The following CEACAM5 variants were observed in gnomAD, a reference collection of about 807,000 sequenced individuals.
The protein encoded by CEACAM5 is cell adhesion molecule CEACAM5.
CEACAM5 carries 52 observed loss-of-function variants against 63.0 expected under a neutral mutation model. That is an observed-to-expected ratio of 0.83 (90% CI 0.66 to 1.04). CEACAM5 has a LOEUF of 1.04. CEACAM5 is among the 50% of genes least tolerant of loss of function. CEACAM5 has a pLI of 0.00. For synonymous variants in CEACAM5, 357 were observed against 351.3 expected (o/e 1.02, Z -0.18); for missense variants, 790 against 864.8 (o/e 0.91, Z 1.08).
Position 41,730,180 on chromosome 19 carries a change from ATC to A in CEACAM5, c.*1034_*1035del, listed in dbSNP as rs1555817966. On this transcript the variant is annotated 3_prime_UTR_variant, in exon 10 of 10. Transcript: ENST00000221992. ...TCACGCCTGTAATCCCAGCACTTTG[ATC>A]CGCCGAGGCGGGCGGATCACGAGGT... Among the ~76,000 whole-genome samples, 3 of 152,018 alleles carry A rather than the reference ATC, an allele frequency of 2.0e-5. No homozygotes were observed. Among genetic ancestry groups the A allele is most frequent in the East Asian group, 3.9e-4 (2 of 5,190 alleles).
chr19:41,726,911 A>G (rs144590320), intron 8 of CEACAM5, among the ~76,000 whole-genome samples: 127 of 152,334 alleles, frequency 8.3e-4, no homozygotes, highest in African/African-American at 3.0e-3. Context: ...GCCTACCACA[A>G]CTGAGACACT....
At chr19:41,717,013 C>G (rs1490198676) in intron 4 of CEACAM5, among the ~76,000 whole-genome samples, 7 of 152,228 alleles carry the variant, frequency 4.6e-5, no homozygotes, top group African/African-American at 1.7e-4. Flanking sequence ...TCCATCATCA[C>G]CTATCTCTAG....
intron 6 of CEACAM5, among the ~76,000 whole-genome samples, chr19:41,719,551 G>A (rs534447874): frequency 1.3e-4 from 20 of 152,132 alleles, no homozygotes; most frequent in South Asian, 2.1e-4. Flanking sequence ...AACACCCCAC[G>A]GTTGGGTGGT....
Position 41,709,842 on chromosome 19 carries a change from A to C in CEACAM5, c.227A>C (p.Asn76Thr), listed in dbSNP as rs782789683. 1.2e-4 allele frequency: 187 copies of C among 1,613,988 alleles called. 1 individual carries two copies. The highest frequency in any genetic ancestry group is 1.6e-4 in the Non-Finnish European group (183 of 1,180,026). Residue 76 changes from asparagine (N) to threonine (T), a missense_variant, in exon 2 of 10, where the codon AAC becomes ACC. Asn to Thr is a moderately conservative substitution (Grantham distance 65). Transcript: ENST00000221992. ...TACAAAGGTGAAAGAGTGGATGGCA[A>C]CCGTCAAATTATAGGATATGTAATA... ...SWYKGERVDG[N>T]RQIIGYVIGT...
In CEACAM5 at chr19:41,715,301, G is replaced by T. The variant is rs571502155; in HGVS notation, c.703+52G>T. 1.9e-6 allele frequency: 3 copies of T among 1,611,282 alleles called. No individual in the cohort carries two copies. In the Admixed American group the frequency reaches 5.0e-5, roughly 27 times the overall value. On this transcript the variant is annotated intron_variant, in intron 3 of 9. Transcript: ENST00000221992. The stretch of plus-strand genomic sequence containing the variant: ...CAGGCTGCCAGCCCAAATCCACAGG[G>T]CCAGAGGCAGGATTTCTCAGTCCCT...
At position 41,727,223 on chromosome 19, in the gene CEACAM5, G is replaced by A. The variant is rs782093478; in HGVS notation, c.2027-11G>A. 11 of 1,604,308 alleles carry A rather than the reference G, an allele frequency of 6.9e-6. No homozygotes were observed. The highest frequency in any genetic ancestry group is 1.3e-5 in the African/African-American group (1 of 74,726). On this transcript the variant is annotated splice_polypyrimidine_tract_variant and intron_variant, in intron 8 of 9. Coordinates refer to ENST00000221992, the MANE Select transcript of CEACAM5 (RefSeq NM_004363.6). Reference sequence around the variant, plus strand: ...ATTCCTTCTCTTTTCTTTCCATGACGGACGATTCAGCATCTGGAACTTCTC... The same window carrying A: ...ATTCCTTCTCTTTTCTTTCCATGACAGACGATTCAGCATCTGGAACTTCTC...
In CEACAM5 at chr19:41,709,771, T is replaced by C. The variant is rs782457186; in HGVS notation, c.156T>C (p.Leu52=). 6.2e-7 allele frequency: 1 copy of C among 1,614,162 alleles called. No individual in the cohort carries two copies. Among genetic ancestry groups the C allele is most frequent in the Non-Finnish European group, 8.5e-7 (1 of 1,180,024 alleles). ...ATGTCGCAGAGGGGAAGGAGGTGCT[T>C]CTACTTGTCCACAATCTGCCCCAGC... The part of the protein sequence containing the change: ...PFNVAEGKEV[L]LLVHNLPQHL... The change falls in exon 2 of 10, where the codon CTT becomes CTC. Residue 52 remains leucine, a synonymous_variant. Transcript: ENST00000221992.
chr19:41,719,801 A>G, intron 6 of CEACAM5, 129 bp from the exon 7 acceptor site: 1 of 1,510,762 alleles, frequency 6.6e-7, no homozygotes, highest in Non-Finnish European at 8.9e-7. Flanking sequence ...CTTGTGATAC[A>G]CACACCTGCC....
At chr19:41,713,883 T>C (rs530179469) in intron 2 of CEACAM5, among the ~76,000 whole-genome samples, 3 of 152,272 alleles carry the variant, frequency 2.0e-5, no homozygotes, top group South Asian at 4.1e-4. Context: ...ATCCACAGCA[T>C]CCTCGCCTGC....
chr19:41,720,508 T>C (rs1487807328), intron 7 of CEACAM5, among the ~76,000 whole-genome samples: 2 of 147,866 alleles, frequency 1.4e-5, no homozygotes, highest in African/African-American at 2.5e-5. Flanking sequence ...GACTTTTTTT[T>C]TTTTTTTTTT....
Position 41,714,998 on chromosome 19 carries a change from G to A in CEACAM5, c.452G>A (p.Ser151Asn), listed in dbSNP as rs143589559. The change falls in exon 3 of 10, where the codon AGC (serine) becomes AAC (asparagine). Residue 151 changes from serine to asparagine, a missense_variant. By Grantham distance (46) the Ser-to-Asn change is conservative. Transcript: ENST00000221992. ...GAGCTGCCCAAGCCCTCCATCTCCA[G>A]CAACAACTCCAAACCCGTGGAGGAC... ...YPELPKPSIS[S>N]NNSKPVEDKD... 9.5e-5 allele frequency: 154 copies of A among 1,614,156 alleles called. No homozygotes were observed. The South Asian group carries it at 1.6e-3, about 17-fold the overall frequency.
At chr19:41,710,491 C>T (rs1403055026) in intron 2 of CEACAM5, among the ~76,000 whole-genome samples, 3 of 152,176 alleles carry the variant, frequency 2.0e-5, no homozygotes, top group Non-Finnish European at 4.4e-5. Context: ...TAACTGGAAG[C>T]AAGGACTTAG....
At chr19:41,717,008 C>A (rs1221724279) in intron 4 of CEACAM5, among the ~76,000 whole-genome samples, 1 of 152,234 alleles carries the variant, frequency 6.6e-6, no homozygotes, top group Non-Finnish European at 1.5e-5. Context: ...CCATCTCCAT[C>A]ATCACCTATC....
chr19:41,712,357 C>G (rs1399349502), intron 2 of CEACAM5, among the ~76,000 whole-genome samples: 1 of 152,266 alleles, frequency 6.6e-6, no homozygotes, highest in Non-Finnish European at 1.5e-5. Context: ...GAACCAGCCA[C>G]TGGCGTCTCA....
intron 8 of CEACAM5, among the ~76,000 whole-genome samples, 190 bp downstream of exon 8, chr19:41,721,366 C>T (rs560876718): frequency 9.4e-4 from 143 of 152,380 alleles, no homozygotes; most frequent in Non-Finnish European, 1.6e-3. Flanking sequence ...TGATATCTCA[C>T]GGCTGACCTC....
At chr19:41,724,531 C>T (rs2072670969) in intron 8 of CEACAM5, among the ~76,000 whole-genome samples, 1 of 152,094 alleles carries the variant, frequency 6.6e-6, no homozygotes, top group South Asian at 2.1e-4. Context: ...GTACAAATTG[C>T]GTTGAACCTG....
intron 4 of CEACAM5, among the ~76,000 whole-genome samples, chr19:41,716,119 T>C (rs1369355543): frequency 1.3e-5 from 2 of 152,150 alleles, no homozygotes; most frequent in Non-Finnish European, 1.5e-5. Flanking sequence ...GCTTGGAATG[T>C]GGGGAGGAGG....
At chr19:41,711,955 A>G (rs1023213649) in intron 2 of CEACAM5, among the ~76,000 whole-genome samples, 1 of 152,194 alleles carries the variant, frequency 6.6e-6, no homozygotes, top group Non-Finnish European at 1.5e-5. Context: ...AGGCTCCATC[A>G]CAAGCCAATG....
In CEACAM5 at chr19:41,720,133, G is replaced by C. The variant is rs138799075; in HGVS notation, c.1696G>C (p.Ala566Pro). The C allele has an allele frequency of 1.2e-6, 2 of 1,614,248 alleles. No individual in the cohort carries two copies. The highest frequency in any genetic ancestry group is 2.2e-5 in the South Asian group (2 of 91,088). Reference sequence around the variant, plus strand: ...TCTATTCAATGTCACAAGAAATGACGCAAGAGCCTATGTATGTGGAATCCA... The same window carrying C: ...TCTATTCAATGTCACAAGAAATGACCCAAGAGCCTATGTATGTGGAATCCA... ...LTLFNVTRND[A>P]RAYVCGIQNS... The change falls in exon 7 of 10, where the codon GCA becomes CCA. Residue 566 changes from alanine to proline, a missense_variant. By Grantham distance (27) the Ala-to-Pro change is conservative. Coordinates refer to ENST00000221992, the MANE Select transcript of CEACAM5 (RefSeq NM_004363.6).
Sources: gnomAD v4.1 joint callset for allele counts (sites outside exome capture counted in the v4.1 genomes callset) on GRCh38, gnomAD v4.1.1 for gene constraint, MANE v1.5 for transcripts, NCBI Gene and HGNC (gene_info 2026-07-23, HGNC 2026-07-21) for gene names.